AKAP6: variants seen among roughly 807,000 people sequenced by gnomAD.
AKAP6 encodes A-kinase anchor protein 6.
In AKAP6, 58 loss-of-function variants were observed where a neutral mutation model predicts 188.5. That is an observed-to-expected ratio of 0.31 (90% CI 0.25 to 0.38). The LOEUF (loss-of-function observed/expected upper bound fraction) is 0.38, where lower values mean the gene tolerates loss of function less well. AKAP6 is among the 10% of genes least tolerant of loss of function. The pLI is 1.00. For missense variants in AKAP6, 2,710 were observed against 2,740.0 expected (o/e 0.99, Z 0.24); for synonymous variants, 989 against 998.6 (o/e 0.99, Z 0.18).
intron 4 of AKAP6, among the ~76,000 whole-genome samples, chr14:32,575,008 C>T (rs1884656093): frequency 1.3e-5 from 2 of 152,232 alleles, no homozygotes; most frequent in South Asian, 2.1e-4. Context: ...AACATCAAGT[C>T]AGATATGAAC....
intron 1 of AKAP6, among the ~76,000 whole-genome samples, chr14:32,429,395 C>T (rs753762267): frequency 6.6e-6 from 1 of 152,140 alleles, no homozygotes; most frequent in Non-Finnish European, 1.5e-5. Flanking sequence ...GAAAAATATT[C>T]ACAAAGACTG....
At chr14:32,731,665 C>T (rs2031181834) in intron 9 of AKAP6, among the ~76,000 whole-genome samples, 1 of 152,088 alleles carries the variant, frequency 6.6e-6, no homozygotes, top group Non-Finnish European at 1.5e-5. Context: ...AAAGTACAGT[C>T]ATAGTCATTT....
chr14:32,502,503 A>G (rs1258045293), intron 2 of AKAP6, among the ~76,000 whole-genome samples: 1 of 152,148 alleles, frequency 6.6e-6, no homozygotes, highest in African/African-American at 2.4e-5. Context: ...CCAAAAATTT[A>G]AAAATATGAA....
intron 11 of AKAP6, among the ~76,000 whole-genome samples, chr14:32,764,102 T>A (rs1385772437): frequency 6.6e-6 from 1 of 152,206 alleles, no homozygotes; most frequent in Non-Finnish European, 1.5e-5. Context: ...CCTACCTTTT[T>A]AATCTCTTCT....
intron 2 of AKAP6, among the ~76,000 whole-genome samples, 154 bp from the exon 3 acceptor site, chr14:32,535,400 G>A (rs1156564356): frequency 6.6e-6 from 1 of 152,176 alleles, no homozygotes; most frequent in Admixed American, 6.5e-5. Flanking sequence ...CCTGCAACTG[G>A]GTATCTGAAC....
intron 9 of AKAP6, among the ~76,000 whole-genome samples, chr14:32,696,442 A>G (rs1306360867): frequency 6.6e-6 from 1 of 152,208 alleles, no homozygotes; most frequent in Non-Finnish European, 1.5e-5. Context: ...AGTAATGTTT[A>G]ACAAAACGTG....
chr14:32,699,201 C>T (rs964266544), intron 9 of AKAP6, among the ~76,000 whole-genome samples: 3 of 152,126 alleles, frequency 2.0e-5, no homozygotes, highest in Non-Finnish European at 2.9e-5. Context: ...CTGATTTGCA[C>T]TAGAAAATCA....
chr14:32,493,795 G>A (rs1218689567), intron 2 of AKAP6, among the ~76,000 whole-genome samples: 1 of 152,134 alleles, frequency 6.6e-6, no homozygotes, highest in East Asian at 1.9e-4. Context: ...TAAGGGCCCA[G>A]TGCTGTTCTA....
At chr14:32,827,479 GT>G (rs556956010) in intron 13 of AKAP6, among the ~76,000 whole-genome samples, 18 of 152,082 alleles carry the variant, frequency 1.2e-4, no homozygotes, top group Admixed American at 7.9e-4. Context: ...ATTTTCAAAT[GT>G]TTTTTATTTA....
intron 7 of AKAP6, among the ~76,000 whole-genome samples, chr14:32,623,247 A>G (rs1268792666): frequency 6.6e-6 from 1 of 152,138 alleles, no homozygotes; most frequent in Non-Finnish European, 1.5e-5. Context: ...TTAGTGGGAA[A>G]TCATTATTAT....
At chr14:32,797,281 A>G (rs191011460) in intron 12 of AKAP6, among the ~76,000 whole-genome samples, 2 of 152,282 alleles carry the variant, frequency 1.3e-5, no homozygotes, top group Non-Finnish European at 2.9e-5. Context: ...TACTGTGTAT[A>G]TACCCAAAGG....
chr14:32,622,287 A>G (rs565139267), intron 7 of AKAP6, among the ~76,000 whole-genome samples: 3 of 152,262 alleles, frequency 2.0e-5, no homozygotes, highest in East Asian at 3.9e-4. Context: ...AATATATCAC[A>G]TGATATAGTA....
chr14:32,405,282 C>T (rs1889249684), intron 1 of AKAP6, among the ~76,000 whole-genome samples: 1 of 152,066 alleles, frequency 6.6e-6, no homozygotes, highest in Non-Finnish European at 1.5e-5. Flanking sequence ...CTTCTTCCTG[C>T]TTCTGCATGC....
rs953721019 is a variant in AKAP6, at chr14:32,347,263, T to C, written c.-35+17855T>C. 2.6e-5 allele frequency among the ~76,000 whole-genome samples: 4 copies of C among 152,308 alleles called. No individual in the cohort carries two copies. The East Asian group carries it at 7.7e-4, about 29-fold the overall frequency. ...TGAGGCATCAGAGAAGTCTTGCCCT[T>C]TTTTCTTACACATGTTTCTAAATTA... On this transcript the variant is annotated intron_variant, in intron 1 of 13. Transcript: ENST00000280979.
chr14:32,370,983 T>G (rs1387472326), intron 1 of AKAP6, among the ~76,000 whole-genome samples: 1 of 152,194 alleles, frequency 6.6e-6, no homozygotes, highest in East Asian at 1.9e-4. Flanking sequence ...CTTTTTAAAC[T>G]CACTCAGGCT....
At position 32,649,252 on chromosome 14, in the gene AKAP6, A is replaced by G. The variant is rs118080215; in HGVS notation, c.2731-29059A>G. Among the ~76,000 whole-genome samples the G allele has an allele frequency of 7.2e-5, 11 of 152,294 alleles. No individual in the cohort carries two copies. In the East Asian group the frequency reaches 2.1e-3, roughly 29 times the overall value. On this transcript the variant is annotated intron_variant, in intron 7 of 13. Transcript: ENST00000280979. ...AATAAATCCATTTAATTATCAGTTA[A>G]TGAAATACAAGGTCATTTACCTGAC...
intron 7 of AKAP6, among the ~76,000 whole-genome samples, chr14:32,640,004 C>T (rs1474926434): frequency 6.6e-6 from 1 of 151,934 alleles, no homozygotes; most frequent in Non-Finnish European, 1.5e-5. Context: ...ATATATTTTA[C>T]CTTAATATAG....
chr14:32,695,584 G>A (rs1890369900), intron 8 of AKAP6, among the ~76,000 whole-genome samples: 1 of 152,170 alleles, frequency 6.6e-6, no homozygotes, highest in African/African-American at 2.4e-5. Context: ...CCAATTTTGA[G>A]AGTGCTGTTC....
rs1418117385 is a variant in AKAP6 at position 32,824,772 on chromosome 14, A to G, written c.6959A>G (p.Ter2320TrpextTer8). Residue 2320 changes from the stop codon to tryptophan, a stop_lost, in exon 13 of 14, where the codon TAG (stop) becomes TGG (tryptophan). Coordinates refer to ENST00000280979, the MANE Select transcript of AKAP6 (RefSeq NM_004274.5). ...HEKRHRNMHR[*>W] ...AAACGACATAGAAATATGCATAGGT[A>G]GAATGTACCCCCTCCCCAAGCATGA... 6.2e-7 allele frequency: 1 copy of G among 1,609,354 alleles called. No individual in the cohort carries two copies. The highest frequency in any genetic ancestry group is 8.5e-7 in the Non-Finnish European group (1 of 1,177,936).
Sources: gnomAD v4.1 joint callset for allele counts (sites outside exome capture counted in the v4.1 genomes callset) on GRCh38, gnomAD v4.1.1 for gene constraint, MANE v1.5 for transcripts, NCBI Gene and HGNC (gene_info 2026-07-23, HGNC 2026-07-21) for gene names.